Variants in ATP11B observed in about 807,000 individuals in gnomAD.
ATP11B encodes the protein ATPase phospholipid transporting 11B (putative), also known as phospholipid-transporting ATPase IF.
Under a neutral mutation model 157.8 loss-of-function variants are expected in ATP11B, and 81 were observed. That is an observed-to-expected ratio of 0.51 (90% confidence interval 0.43 to 0.62). The LOEUF is 0.62. Ranked by LOEUF, ATP11B falls within the 20% of genes least tolerant of loss-of-function variation. ATP11B has a pLI of 0.00. For synonymous variants in ATP11B, 451 were observed against 469.4 expected (o/e 0.96, Z 0.51); for missense variants, 1,165 against 1,402.2 (o/e 0.83, Z 2.70).
intron 8 of ATP11B, among the ~76,000 whole-genome samples, chr3:182,845,009 T>TTTTTTTTTTC (rs1560081876): frequency 8.9e-6 from 1 of 112,090 alleles, no homozygotes; most frequent in Non-Finnish European, 1.7e-5. Flanking sequence ...TTTTTTTATT[T>TTTTTTTTTTC]TTTTTTATTT....
chr3:182,862,944 C>G (rs1283068047), intron 12 of ATP11B, among the ~76,000 whole-genome samples: 2 of 151,668 alleles, frequency 1.3e-5, no homozygotes, highest in Admixed American at 6.6e-5. Flanking sequence ...GAGACAGAGT[C>G]TCACTCTGTC....
chr3:182,820,203 TATC>T (rs1474984419), intron 1 of ATP11B, 54 bp from the exon 2 acceptor site: 5 of 1,121,068 alleles, frequency 4.5e-6, no homozygotes, highest in Non-Finnish European at 6.8e-6. Flanking sequence ...AACAGTAAAG[TATC>T]ATAACTAACC....
chr3:182,920,908 G>GC lies in ATP11B; in HGVS notation c.*2807dup, dbSNP rs754223067. On this transcript the variant is annotated 3_prime_UTR_variant, in exon 30 of 30. Transcript: ENST00000323116. ...GCTTCCAGACCTGAGCCACACCCAG[G>GC]CCCTATCCTGAACAGGAGACTAAAC... 3.3e-5 allele frequency: 5 copies of GC among 152,248 alleles called. No individual in the cohort carries two copies. Among genetic ancestry groups the GC allele is most frequent in the African/African-American group, 7.2e-5 (3 of 41,444 alleles). 9.4% of individuals were successfully genotyped at this position (152,248 alleles called of 1,614,324 possible).
At chr3:182,882,854 G>T (rs1367658348) in intron 21 of ATP11B, among the ~76,000 whole-genome samples, 1 of 152,114 alleles carries the variant, frequency 6.6e-6, no homozygotes, top group Admixed American at 6.5e-5. Flanking sequence ...CGTTCCAGTA[G>T]AAATAATATG....
chr3:182,912,096 A>G (rs1165216976), intron 28 of ATP11B, among the ~76,000 whole-genome samples: 1 of 152,184 alleles, frequency 6.6e-6, no homozygotes, highest in Non-Finnish European at 1.5e-5. Flanking sequence ...TTGAGCATGT[A>G]GGAGCCCTGG....
At chr3:182,858,447 T>C (rs750145367) in intron 11 of ATP11B, among the ~76,000 whole-genome samples, 57 of 152,236 alleles carry the variant, frequency 3.7e-4, no homozygotes, top group Non-Finnish European at 6.6e-4. Context: ...ATGCAAATTA[T>C]GTCATATATT....
At chr3:182,878,319 C>G (rs1466522503) in intron 19 of ATP11B, among the ~76,000 whole-genome samples, 1 of 152,122 alleles carries the variant, frequency 6.6e-6, no homozygotes, top group African/African-American at 2.4e-5. Context: ...CTTCTCACTT[C>G]TTATTTTTAA....
intron 8 of ATP11B, among the ~76,000 whole-genome samples, 170 bp downstream of exon 8, chr3:182,842,292 A>C (rs1459373975): frequency 6.6e-6 from 1 of 152,122 alleles, no homozygotes; most frequent in African/African-American, 2.4e-5. Flanking sequence ...TTATTATATC[A>C]CTTCAGAATC....
intron 10 of ATP11B, among the ~76,000 whole-genome samples, chr3:182,850,301 C>T (rs562509764): frequency 5.3e-4 from 80 of 152,088 alleles, no homozygotes; most frequent in African/African-American, 1.9e-3. Flanking sequence ...GGTGAAACTC[C>T]GTCTCTACTA....
At chr3:182,902,347 G>C (rs574388231) in intron 28 of ATP11B, 17 of 290,972 alleles carry the variant, frequency 5.8e-5, no homozygotes, top group African/African-American at 3.7e-4. Context: ...AGTCATGTAT[G>C]TGTATCACGT....
intron 2 of ATP11B, among the ~76,000 whole-genome samples, chr3:182,824,047 G>GT (rs955528357): frequency 3.3e-5 from 5 of 151,884 alleles, no homozygotes; most frequent in Non-Finnish European, 7.4e-5. Context: ...TGTAACTATA[G>GT]TTTTTTCTTT....
At chr3:182,796,059 G>T (rs1262681836) in intron 1 of ATP11B, among the ~76,000 whole-genome samples, 2 of 152,058 alleles carry the variant, frequency 1.3e-5, no homozygotes, top group African/African-American at 4.8e-5. Flanking sequence ...CTATGTTCTA[G>T]TAATTTCTTT....
intron 7 of ATP11B, among the ~76,000 whole-genome samples, chr3:182,840,692 C>T (rs994830384): frequency 6.6e-6 from 1 of 152,140 alleles, no homozygotes; most frequent in Non-Finnish European, 1.5e-5. Context: ...CCTCTCCCTT[C>T]GTCTTTCTTC....
Position 182,859,239 on chromosome 3 carries a change from A to G in ATP11B, c.1080A>G (p.Thr360=), listed in dbSNP as rs1309175035. ...NFIIPISLYV[T]VEMQKFLGSF... ...TCATTCCAATTTCATTATATGTGAC[A>G]GTCGAAATGCAGAAATTTCTTGGAT... Residue 360 remains threonine (T), a synonymous_variant, in exon 12 of 30, where the codon ACA becomes ACG. Transcript: ENST00000323116. The G allele has an allele frequency of 6.2e-7, 1 of 1,612,910 alleles. No individual in the cohort carries two copies. The highest frequency in any genetic ancestry group is 1.7e-5 in the Admixed American group (1 of 59,950).
chr3:182,802,265 T>A (rs1223516666), intron 1 of ATP11B, among the ~76,000 whole-genome samples: 3 of 152,202 alleles, frequency 2.0e-5, no homozygotes, highest in Non-Finnish European at 1.5e-5. Flanking sequence ...CTAGTTCATC[T>A]CATTGTTTCT....
chr3:182,913,896 C>T lies in ATP11B; in HGVS notation c.3354C>T (p.Asp1118=), dbSNP rs1037498476. The change falls in exon 29 of 30, where the codon GAC becomes GAT. Residue 1118 remains aspartate, a synonymous_variant. Transcript: ENST00000323116. ...CAAATGCAGGTATCAAGTGCTTGGA[C>T]TCCATGTGCTGTTTCCCGGAAGGAG... ...TETNAGIKCL[D]SMCCFPEGEA... is the part of the protein sequence containing the mutation. The T allele has an allele frequency of 2.5e-6, 4 of 1,614,158 alleles. No homozygotes were observed. The highest frequency in any genetic ancestry group is 3.4e-6 in the Non-Finnish European group (4 of 1,179,972).
At chr3:182,914,051 A>G in intron 29 of ATP11B, 57 bp downstream of exon 29, 1 of 1,597,334 alleles carries the variant, frequency 6.3e-7, no homozygotes, top group Non-Finnish European at 8.5e-7. Flanking sequence ...CTGGAACAGG[A>G]TGAACCTGCC....
At chr3:182,869,200 T>G (rs1323276251) in intron 16 of ATP11B, 28 bp from the exon 17 acceptor site, 1 of 1,595,802 alleles carries the variant, frequency 6.3e-7, no homozygotes, top group South Asian at 1.1e-5. Context: ...ATATTAAGAG[T>G]CTGATAACTC....
intron 29 of ATP11B, chr3:182,914,456 T>C (rs1471240512): frequency 1.0e-6 from 1 of 985,330 alleles, no homozygotes; most frequent in African/African-American, 1.7e-5. Flanking sequence ...GTTGGTTATT[T>C]GAGGCTTTGA....
Sources: allele counts gnomAD v4.1 joint callset (sites outside exome capture counted in the v4.1 genomes callset), GRCh38; gene constraint gnomAD v4.1.1; transcripts MANE v1.5; gene names NCBI Gene and HGNC (gene_info 2026-07-23, HGNC 2026-07-21).